LETM2: variants seen among roughly 807,000 people sequenced by gnomAD.
LETM2 encodes the protein LETM1 domain-containing protein LETM2, mitochondrial.
Under a neutral mutation model 59.6 loss-of-function variants are expected in LETM2, and 58 were observed. The observed-to-expected ratio is 0.97, with a 90% CI of 0.79 to 1.21. The LOEUF (loss-of-function observed/expected upper bound fraction) is 1.21, where lower values mean the gene tolerates loss of function less well. LETM2 is among the 50% of genes most tolerant of loss of function. LETM2 has a pLI of 0.00. For synonymous variants in LETM2, 199 were observed against 214.1 expected, an observed-to-expected ratio of 0.93 and a Z score of 0.62; for missense variants, 572 against 575.7, an observed-to-expected ratio of 0.99 and a Z score of 0.07.
chr8:38,396,551 T>C (rs1008517985), intron 4 of LETM2, among the ~76,000 whole-genome samples: 2 of 152,198 alleles, frequency 1.3e-5, no homozygotes, highest in South Asian at 2.1e-4. Context: ...TCCAGGACCA[T>C]TTGTTGAAAA....
At chr8:38,396,871 C>CCACTG in intron 4 of LETM2, 1 of 248,908 alleles carries the variant, frequency 4.0e-6, no homozygotes, top group Non-Finnish European at 8.1e-6. Flanking sequence ...TGAGATCAGG[C>CCACTG]CACTGCACTG....
Position 38,408,050 on chromosome 8 carries a change from G to T in LETM2, c.1414-162G>T, listed in dbSNP as rs1205245070. The T allele has an allele frequency of 6.7e-6, 4 of 595,948 alleles. No homozygotes were observed. The East Asian group carries it at 1.2e-4, about 18-fold the overall frequency. The allele number at this position is 595,948 out of a possible 1,614,324, so 36.9% of individuals were successfully genotyped here. On this transcript the variant is annotated intron_variant, in intron 10 of 10. Coordinates refer to ENST00000379957, the MANE Select transcript of LETM2 (RefSeq NM_001286819.2). ...GCATCCCAAGGCACACACATACCTT[G>T]TTTTTTGTAAATCTCCTTTATCTTT...
intron 1 of LETM2, chr8:38,387,358 G>C (rs1000448269): frequency 1.3e-5 from 2 of 152,248 alleles, no homozygotes; most frequent in Non-Finnish European, 2.9e-5. Context: ...CCTGGATGGA[G>C]ATGGGTTTTG....
chr8:38,402,352 C>T (rs545169958), intron 6 of LETM2, among the ~76,000 whole-genome samples, 173 bp from the exon 7 acceptor site: 30 of 152,298 alleles, frequency 2.0e-4, no homozygotes, highest in South Asian at 1.7e-3. Context: ...TACCTGTTGG[C>T]AGGATTCCCA....
chr8:38,393,373 G>A (rs762928623), intron 3 of LETM2: 1 of 192,238 alleles, frequency 5.2e-6, no homozygotes, highest in South Asian at 9.5e-5. Context: ...GGCTGGGCAC[G>A]ATGGCTTATG....
At chr8:38,388,996 C>T (rs1157547676) in intron 2 of LETM2, among the ~76,000 whole-genome samples, 2 of 151,914 alleles carry the variant, frequency 1.3e-5, no homozygotes, top group Non-Finnish European at 2.9e-5. Context: ...GAACTCCTGA[C>T]CTCAGGTAAT....
At chr8:38,406,652 G>T in intron 8 of LETM2, 1 of 289,028 alleles carries the variant, frequency 3.5e-6, no homozygotes. Context: ...TGGCTTTTGA[G>T]GCCAACAGCA....
Position 38,406,941 on chromosome 8 carries a change from C to T in LETM2, c.1219-5C>T. On this transcript the variant is annotated splice_region_variant and splice_polypyrimidine_tract_variant and intron_variant, in intron 8 of 10. Transcript: ENST00000379957. ...TTATGATACATAAAATGTTTATCTC[C>T]CCAGGCTCCAAAGACTGATATTCTT... 1 of 1,591,230 alleles carries T rather than the reference C, an allele frequency of 6.3e-7. No individual in the cohort carries two copies. Among genetic ancestry groups the T allele is most frequent in the Non-Finnish European group, 8.6e-7 (1 of 1,159,864 alleles).
At chr8:38,398,175 G>A (rs1054255826) in intron 4 of LETM2, among the ~76,000 whole-genome samples, 4 of 150,526 alleles carry the variant, frequency 2.7e-5, no homozygotes, top group South Asian at 2.1e-4. Context: ...AGACAAATTC[G>A]GGATACCTTC....
chr8:38,398,052 A>G (rs1256524830), intron 4 of LETM2, among the ~76,000 whole-genome samples: 1 of 151,950 alleles, frequency 6.6e-6, no homozygotes, highest in Non-Finnish European at 1.5e-5. Flanking sequence ...AGGCAGAAGA[A>G]TCACTTAAAC....
chr8:38,400,109 T>C (rs1813060720), intron 4 of LETM2, among the ~76,000 whole-genome samples, 163 bp from the exon 5 acceptor site: 1 of 152,250 alleles, frequency 6.6e-6, no homozygotes, highest in South Asian at 2.1e-4. Context: ...GGCTTCTTTT[T>C]ACTTGCTCTG....
intron 7 of LETM2, 134 bp from the exon 8 acceptor site, chr8:38,404,259 G>A (rs1322147051): frequency 4.7e-6 from 3 of 637,618 alleles, no homozygotes; most frequent in African/African-American, 1.8e-5. Flanking sequence ...GTTCTGCCGT[G>A]ACTCATCACC....
At chr8:38,389,738 C>T (rs1217981970) in intron 2 of LETM2, among the ~76,000 whole-genome samples, 2 of 151,888 alleles carry the variant, frequency 1.3e-5, no homozygotes, top group Admixed American at 6.6e-5. Context: ...CTGTGGCTCA[C>T]GCCTGTAATC....
chr8:38,400,801 T>G, intron 5 of LETM2, 52 bp from the exon 6 acceptor site: 1 of 1,514,116 alleles, frequency 6.6e-7, no homozygotes, highest in Admixed American at 1.8e-5. Context: ...ATTGGGAAAG[T>G]TAAATTAAGT....
intron 3 of LETM2, 130 bp downstream of exon 3, chr8:38,393,125 A>G: frequency 1.3e-6 from 1 of 768,482 alleles, no homozygotes; most frequent in South Asian, 1.9e-5. Flanking sequence ...GCTGGTGAGA[A>G]CCAGTTTCTT....
At chr8:38,403,785 T>G (rs1813452378) in intron 7 of LETM2, among the ~76,000 whole-genome samples, 1 of 152,246 alleles carries the variant, frequency 6.6e-6, no homozygotes, top group Non-Finnish European at 1.5e-5. Context: ...TCTTGAACGT[T>G]GGCTATGACA....
chr8:38,407,276 G>T (rs1021682557), intron 9 of LETM2, 86 bp from the exon 10 acceptor site: 2 of 1,083,798 alleles, frequency 1.8e-6, no homozygotes, highest in African/African-American at 3.1e-5. Flanking sequence ...GTTGTGACAA[G>T]TTCCTGGTAG....
chr8:38,388,323 G>A (rs1340551039), intron 2 of LETM2, among the ~76,000 whole-genome samples: 3 of 151,662 alleles, frequency 2.0e-5, no homozygotes, highest in South Asian at 4.2e-4. Context: ...TAGGTGATCC[G>A]CCTGCCTTGG....
chr8:38,408,356 C>A lies in LETM2; in HGVS notation c.*82C>A. 8.3e-7 allele frequency: 1 copy of A among 1,208,388 alleles called. No individual in the cohort carries two copies. The highest frequency in any genetic ancestry group is 1.2e-6 in the Non-Finnish European group (1 of 831,994). 74.9% of individuals were successfully genotyped at this position (1,208,388 alleles called of 1,614,324 possible). On this transcript the variant is annotated 3_prime_UTR_variant, in exon 11 of 11. Transcript: ENST00000379957. ...TCTGTAAAGGACCTCCCAGATAAGA[C>A]TGTCTGGCTTCAGAGAGCGGATCAG...
Sources: allele counts gnomAD v4.1 joint callset (sites outside exome capture counted in the v4.1 genomes callset), GRCh38; gene constraint gnomAD v4.1.1; transcripts MANE v1.5; gene names NCBI Gene and HGNC (gene_info 2026-07-23, HGNC 2026-07-21).